AGBL1: variants seen among roughly 807,000 people sequenced by gnomAD.
AGBL1 encodes the protein AGBL carboxypeptidase 1, also known as cytosolic carboxypeptidase 4.
In AGBL1, 130 loss-of-function variants were observed where a neutral mutation model predicts 118.9. The observed-to-expected ratio is 1.09, with a 90% CI of 0.95 to 1.26. The LOEUF (loss-of-function observed/expected upper bound fraction) is 1.26. AGBL1 is among the 50% of genes most tolerant of loss of function. The pLI is 0.00. For missense variants in AGBL1, 1,584 were observed against 1,298.1 expected, an observed-to-expected ratio of 1.22 and a Z score of -3.38; for synonymous variants, 555 against 478.9, an observed-to-expected ratio of 1.16 and a Z score of -2.08.
At chr15:86,900,901 T>G (rs2080203581) in intron 22 of AGBL1, among the ~76,000 whole-genome samples, 1 of 152,214 alleles carries the variant, frequency 6.6e-6, no homozygotes, top group African/African-American at 2.4e-5. Flanking sequence ...CACTTAACAA[T>G]CTTCTCACAT....
chr15:86,202,080 C>T (rs2077916516), intron 5 of AGBL1, among the ~76,000 whole-genome samples: 1 of 152,044 alleles, frequency 6.6e-6, no homozygotes, highest in African/African-American at 2.4e-5. Flanking sequence ...ATCACTTGAG[C>T]TTAGGAGTTC....
At chr15:86,179,691 G>T (rs1361722242) in intron 5 of AGBL1, among the ~76,000 whole-genome samples, 1 of 152,040 alleles carries the variant, frequency 6.6e-6, no homozygotes, top group East Asian at 1.9e-4. Context: ...CATTATACTG[G>T]CGATTCTAGT....
chr15:86,187,710 G>C (rs1340360702), intron 5 of AGBL1, among the ~76,000 whole-genome samples: 1 of 152,156 alleles, frequency 6.6e-6, no homozygotes, highest in African/African-American at 2.4e-5. Context: ...TCTCTAAACT[G>C]TCCAGATGAT....
intron 22 of AGBL1, among the ~76,000 whole-genome samples, chr15:86,775,846 C>A (rs1477977447): frequency 3.9e-5 from 6 of 152,084 alleles, no homozygotes; most frequent in African/African-American, 1.4e-4. Flanking sequence ...AATCACCAAT[C>A]TTAAGTAATT....
At chr15:86,789,886 A>G (rs2078466995) in intron 22 of AGBL1, among the ~76,000 whole-genome samples, 1 of 152,154 alleles carries the variant, frequency 6.6e-6, no homozygotes, top group South Asian at 2.1e-4. Context: ...GATGGCTCCA[A>G]TCATTTGAAT....
At chr15:86,743,961 G>A (rs1184106426) in intron 22 of AGBL1, among the ~76,000 whole-genome samples, 2 of 152,008 alleles carry the variant, frequency 1.3e-5, no homozygotes, top group African/African-American at 2.4e-5. Flanking sequence ...AGATAACTTA[G>A]AAGTAAAATA....
chr15:86,860,997 C>G (rs1365914955), intron 22 of AGBL1, among the ~76,000 whole-genome samples: 2 of 152,052 alleles, frequency 1.3e-5, no homozygotes, highest in South Asian at 2.1e-4. Context: ...TGCACCTGCC[C>G]TAGATCAATG....
intron 19 of AGBL1, among the ~76,000 whole-genome samples, chr15:86,545,586 G>T (rs901641837): frequency 6.6e-6 from 1 of 151,908 alleles, no homozygotes; most frequent in Non-Finnish European, 1.5e-5. Context: ...CAGCGTGTGT[G>T]TTTTTCTCCT....
At chr15:86,760,936 T>C (rs79419391) in intron 22 of AGBL1, among the ~76,000 whole-genome samples, 2,859 of 152,216 alleles carry the variant, frequency 0.019, 95 homozygotes, top group African/African-American at 0.065. Flanking sequence ...ATGGTCTAAA[T>C]GCATTGGTAA....
intron 5 of AGBL1, among the ~76,000 whole-genome samples, chr15:86,179,719 G>A (rs1390318393): frequency 1.3e-5 from 2 of 152,074 alleles, no homozygotes; most frequent in African/African-American, 4.8e-5. Context: ...ATAAGGCAAG[G>A]AAAAGAACTA....
chr15:86,224,774 G>A (rs527966414), intron 5 of AGBL1, 140 bp from the exon 6 acceptor site: 5 of 760,818 alleles, frequency 6.6e-6, no homozygotes, highest in East Asian at 2.5e-5. Context: ...AATGGTCAGC[G>A]GGGCAATCAA....
chr15:86,789,189 T>C (rs1015670225), intron 22 of AGBL1, among the ~76,000 whole-genome samples: 1 of 152,228 alleles, frequency 6.6e-6, no homozygotes, highest in Non-Finnish European at 1.5e-5. Flanking sequence ...CTCAGCCCAA[T>C]TGCCTGTACA....
chr15:86,263,645 A>G (rs2079028342), intron 10 of AGBL1, among the ~76,000 whole-genome samples: 2 of 152,198 alleles, frequency 1.3e-5, no homozygotes, highest in South Asian at 4.1e-4. Context: ...TTCTTTTTTA[A>G]TAGAAACAAA....
At chr15:86,144,868 G>T (rs903306067) in intron 3 of AGBL1, among the ~76,000 whole-genome samples, 1 of 152,194 alleles carries the variant, frequency 6.6e-6, no homozygotes, top group African/African-American at 2.4e-5. Context: ...TCCTAGAGCT[G>T]CCATACGAAT....
chr15:86,880,937 G>C (rs1022040012), intron 22 of AGBL1, among the ~76,000 whole-genome samples: 2 of 152,144 alleles, frequency 1.3e-5, no homozygotes, highest in Non-Finnish European at 2.9e-5. Flanking sequence ...TCTCCTAGGA[G>C]GGCCAGGGGA....
At chr15:86,617,905 C>A (rs2084753622) in intron 21 of AGBL1, among the ~76,000 whole-genome samples, 1 of 152,000 alleles carries the variant, frequency 6.6e-6, no homozygotes, top group South Asian at 2.1e-4. Context: ...ACATATTATT[C>A]CTATTGGGTC....
chr15:86,258,264 C>T (rs1027170484), intron 9 of AGBL1, among the ~76,000 whole-genome samples: 1 of 152,114 alleles, frequency 6.6e-6, no homozygotes, highest in Non-Finnish European at 1.5e-5. Flanking sequence ...AGAGGCTATC[C>T]TATACATTAT....
chr15:86,089,838 C>T (rs1895903436), intron 1 of AGBL1, among the ~76,000 whole-genome samples: 1 of 151,808 alleles, frequency 6.6e-6, no homozygotes, highest in Non-Finnish European at 1.5e-5. Context: ...ACACTATAAG[C>T]AAATCCCACT....
rs553410611 is a variant in AGBL1, at chr15:86,647,334, C to G, written c.2995-26939C>G. ...ATGTTGATTATTTACTATATGCTAG[C>G]TATTGTTTTAAAGGCCAAGAATACA... is the stretch of plus-strand genomic sequence containing the variant. On this transcript the variant is annotated intron_variant, in intron 21 of 22. Transcript: ENST00000614907. 3.5e-4 allele frequency among the ~76,000 whole-genome samples: 54 copies of G among 152,172 alleles called. No homozygotes were observed. The South Asian group carries it at 6.6e-3, about 19-fold the overall frequency.
Sources: gnomAD v4.1 joint callset for allele counts (sites outside exome capture counted in the v4.1 genomes callset) on GRCh38, gnomAD v4.1.1 for gene constraint, MANE v1.5 for transcripts, NCBI Gene and HGNC (gene_info 2026-07-23, HGNC 2026-07-21) for gene names.